Variants in TCIRG1 observed in about 807,000 individuals in gnomAD.
TCIRG1 encodes T cell immune regulator 1, ATPase H+ transporting V0 subunit a3.
A neutral mutation model predicts 95.5 loss-of-function variants in TCIRG1; 86 were observed. The observed-to-expected ratio is 0.90, with a 90% CI of 0.76 to 1.08. The LOEUF is 1.08. Among genes scored for constraint, TCIRG1 ranks in the 50% least tolerant of loss-of-function variants. TCIRG1 has a pLI of 0.00. For missense variants in TCIRG1, 1,069 were observed against 1,140.2 expected, an observed-to-expected ratio of 0.94 and a Z score of 0.90; for synonymous variants, 499 against 501.3, an observed-to-expected ratio of 1.00 and a Z score of 0.06.
intron 10 of TCIRG1, among the ~76,000 whole-genome samples, chr11:68,045,645 C>T (rs1328502363): frequency 1.3e-5 from 2 of 152,016 alleles, no homozygotes; most frequent in African/African-American, 4.8e-5. Flanking sequence ...CCTCCGCCTC[C>T]CAGGTTCAAG....
chr11:68,042,623 T>G lies in TCIRG1; in HGVS notation c.197-20T>G, dbSNP rs1489310888. ...TGAGACAACCTCAACTGCACCCCAC[T>G]CCCGTTCCTCTGCGCCCAGCCTTCC... On this transcript the variant is annotated intron_variant, in intron 3 of 19. Coordinates refer to ENST00000265686, the MANE Select transcript of TCIRG1 (RefSeq NM_006019.4). 4 of 1,543,932 alleles carry G rather than the reference T, an allele frequency of 2.6e-6. No homozygotes were observed. The African/African-American group carries it at 4.1e-5, about 16-fold the overall frequency.
In TCIRG1 at chr11:68,043,511, G is replaced by C; in HGVS notation, c.630+14G>C. On this transcript the variant is annotated intron_variant, in intron 6 of 19. Coordinates refer to ENST00000265686, the MANE Select transcript of TCIRG1 (RefSeq NM_006019.4). ...CACCCCGTGACGGTGAGCAGCTGGCGCTGGGCTGGGGGGTCCTGGGCAGAG... is the reference window on the plus strand; with the variant it reads ...CACCCCGTGACGGTGAGCAGCTGGCCCTGGGCTGGGGGGTCCTGGGCAGAG... 1 of 1,578,158 alleles carries C rather than the reference G, an allele frequency of 6.3e-7. No individual in the cohort carries two copies. Among genetic ancestry groups the C allele is most frequent in the Non-Finnish European group, 8.6e-7 (1 of 1,162,198 alleles).
Position 68,041,281 on chromosome 11 carries a change from A to G in TCIRG1, c.10A>G (p.Met4Val), listed in dbSNP as rs915427435. MGSMFRSEEVALVQ... is the reference protein window; with the variant it reads MGSVFRSEEVALVQ... ...GTCCACCCACAGGACCATGGGCTCC[A>G]TGTTCCGGAGCGAGGAGGTGGCCCT... Residue 4 changes from methionine to valine, a missense_variant, in exon 2 of 20, where the codon ATG (methionine) becomes GTG (valine). Transcript: ENST00000265686. 6.2e-7 allele frequency: 1 copy of G among 1,612,094 alleles called. No homozygotes were observed. Among genetic ancestry groups the G allele is most frequent in the African/African-American group, 1.3e-5 (1 of 75,004 alleles).
In TCIRG1 at chr11:68,050,635, A is replaced by G. The variant is rs1196057301; in HGVS notation, c.2385A>G (p.Ser795=). 6.2e-7 allele frequency: 1 copy of G among 1,613,364 alleles called. No homozygotes were observed. The highest frequency in any genetic ancestry group is 1.7e-5 in the Admixed American group (1 of 60,024). The change falls in exon 19 of 20, where the codon TCA becomes TCG. Residue 795 remains serine (S), a synonymous_variant. Transcript: ENST00000265686. ...VAILLVMEGL[S]AFLHALRLHW... ...TCCTGCTGGTGATGGAGGGACTCTC[A>G]GCCTTCCTGCACGCCCTGCGGCTGC...
intron 18 of TCIRG1, 38 bp downstream of exon 18, chr11:68,050,292 T>C (rs762995152): frequency 1.2e-6 from 2 of 1,604,800 alleles, no homozygotes; most frequent in South Asian, 2.2e-5. Flanking sequence ...CCCCAGCTCC[T>C]GGCTTCTCAC....
chr11:68,039,303 G>C (rs2134425525), intron 1 of TCIRG1, among the ~76,000 whole-genome samples, 184 bp downstream of exon 1: 1 of 152,260 alleles, frequency 6.6e-6, no homozygotes, highest in Non-Finnish European at 1.5e-5. Flanking sequence ...GGAGGAGAAG[G>C]ATGGGGTGTT....
At chr11:68,048,821 TC>T (rs774339401) in intron 13 of TCIRG1, 57 bp from the exon 14 acceptor site, 2 of 1,269,718 alleles carry the variant, frequency 1.6e-6, no homozygotes, top group Non-Finnish European at 1.1e-6. Flanking sequence ...GCCGGGGACT[TC>T]CTGGCAGTGA....
chr11:68,040,509 C>T (rs1855105914), intron 1 of TCIRG1, among the ~76,000 whole-genome samples: 1 of 151,804 alleles, frequency 6.6e-6, no homozygotes, highest in African/African-American at 2.4e-5. Context: ...CAGGCCTGTC[C>T]CCTCCCCCTA....
At chr11:68,039,364 G>T (rs1233409913) in intron 1 of TCIRG1, among the ~76,000 whole-genome samples, 1 of 152,198 alleles carries the variant, frequency 6.6e-6, no homozygotes, top group East Asian at 1.9e-4. Context: ...AGCTTTCCCC[G>T]CTGCTGCTTC....
intron 17 of TCIRG1, 23 bp downstream of exon 17, chr11:68,050,089 G>A: frequency 6.2e-7 from 1 of 1,612,554 alleles, no homozygotes; most frequent in South Asian, 1.1e-5. Flanking sequence ...CCTTCCTGGG[G>A]GTGGGACGGC....
chr11:68,044,831 G>A, intron 9 of TCIRG1, 127 bp from the exon 10 acceptor site: 2 of 1,200,736 alleles, frequency 1.7e-6, no homozygotes, highest in East Asian at 2.5e-5. Flanking sequence ...TCACGTCAGA[G>A]AGAGGGGAAG....
chr11:68,044,044 CCAGGAGGTGGGTG>C lies in TCIRG1; in HGVS notation c.808-73_808-61del, dbSNP rs561158356. On this transcript the variant is annotated intron_variant, in intron 8 of 19. Coordinates refer to ENST00000265686, the MANE Select transcript of TCIRG1 (RefSeq NM_006019.4). ...GGAGGTGGGTGCCCTGGCCTGGCCTCCAGGAGGTGGGTGCAGGAGGTGGGTGCCCCCGGCCCAG... is the reference window on the plus strand; with the variant it reads ...GGAGGTGGGTGCCCTGGCCTGGCCTCCAGGAGGTGGGTGCCCCCGGCCCAG... The C allele has an allele frequency of 5.8e-5, 78 of 1,349,794 alleles. No individual in the cohort carries two copies. The East Asian group carries it at 1.0e-3, about 18-fold the overall frequency. The allele number at this position is 1,349,794 out of a possible 1,614,324, so 83.6% of individuals were successfully genotyped here.
At chr11:68,044,935 T>G (rs560771556) in intron 9 of TCIRG1, 23 bp from the exon 10 acceptor site, 11 of 1,605,392 alleles carry the variant, frequency 6.9e-6, no homozygotes, top group Non-Finnish European at 8.5e-6. Flanking sequence ...ACCGTTCTGG[T>G]CTGTCTCTGC....
chr11:68,050,289 T>C, intron 18 of TCIRG1, 35 bp downstream of exon 18: 3 of 1,604,574 alleles, frequency 1.9e-6, no homozygotes, highest in Non-Finnish European at 2.6e-6. Context: ...TGGCCCCAGC[T>C]CCTGGCTTCT....
In TCIRG1 at chr11:68,049,753, C is replaced by T. The variant is rs528045019; in HGVS notation, c.1978C>T (p.Arg660Cys). The T allele has an allele frequency of 1.1e-4, 175 of 1,577,456 alleles. No individual in the cohort carries two copies. Among genetic ancestry groups the T allele is most frequent in the Middle Eastern group, 2.2e-4 (1 of 4,620 alleles). ...GTPLHLLHRH[R>C]RRLRRRPADR... Reference sequence around the variant, plus strand: ...ACCCCTGCACCTGCTGCACCGCCACCGCCGCCGCCTGCGGAGGAGGCCCGC... The same window carrying T: ...ACCCCTGCACCTGCTGCACCGCCACTGCCGCCGCCTGCGGAGGAGGCCCGC... Residue 660 changes from arginine to cysteine, a missense_variant, in exon 16 of 20, where the codon CGC becomes TGC. Physicochemically the swap from Arg to Cys is radical, Grantham distance 180. Coordinates refer to ENST00000265686, the MANE Select transcript of TCIRG1 (RefSeq NM_006019.4).
At position 68,050,620 on chromosome 11, in the gene TCIRG1, G is replaced by C. The variant is rs1356391041; in HGVS notation, c.2370G>C (p.Val790=). The C allele has an allele frequency of 6.2e-7, 1 of 1,613,412 alleles. No homozygotes were observed. The highest frequency in any genetic ancestry group is 1.1e-5 in the South Asian group (1 of 91,088). The part of the protein sequence containing the change: ...FAVMTVAILL[V]MEGLSAFLHA... ...TGATGACCGTGGCTATCCTGCTGGT[G>C]ATGGAGGGACTCTCAGCCTTCCTGC... The change falls in exon 19 of 20, where the codon GTG becomes GTC. Residue 790 remains valine, a synonymous_variant. Coordinates refer to ENST00000265686, the MANE Select transcript of TCIRG1 (RefSeq NM_006019.4).
In TCIRG1 at chr11:68,048,863, C is replaced by T; in HGVS notation, c.1555-16C>T. 2.5e-6 allele frequency: 4 copies of T among 1,588,282 alleles called. No homozygotes were observed. The highest frequency in any genetic ancestry group is 3.4e-6 in the Non-Finnish European group (4 of 1,162,176). On this transcript the variant is annotated splice_polypyrimidine_tract_variant and intron_variant, in intron 13 of 19. Transcript: ENST00000265686. ...AGGGAGCCCCTGAGTCCAGCCCACC[C>T]CTGCTGCCACCCTAGATTTGGAGCC...
intron 10 of TCIRG1, among the ~76,000 whole-genome samples, chr11:68,045,711 G>A (rs959015777): frequency 2.6e-5 from 4 of 152,022 alleles, no homozygotes; most frequent in Non-Finnish European, 4.4e-5. Context: ...GCACCACCAC[G>A]CCTGGCTAAT....
At chr11:68,040,769 A>C (rs1184291496) in intron 1 of TCIRG1, among the ~76,000 whole-genome samples, 1 of 152,164 alleles carries the variant, frequency 6.6e-6, no homozygotes, top group Non-Finnish European at 1.5e-5. Context: ...CAGCCCCCCC[A>C]CAGCAGTGCT....
Sources: allele counts gnomAD v4.1 joint callset (sites outside exome capture counted in the v4.1 genomes callset), GRCh38; gene constraint gnomAD v4.1.1; transcripts MANE v1.5; gene names NCBI Gene and HGNC (gene_info 2026-07-23, HGNC 2026-07-21).